The following EPM2A variants were observed in gnomAD, a reference collection of about 807,000 sequenced individuals.
EPM2A encodes EPM2A glucan phosphatase, laforin, also known as laforin.
Under a neutral mutation model 26.5 loss-of-function variants are expected in EPM2A, and 21 were observed. The ratio of observed to expected loss-of-function variants is 0.79; its 90% CI spans 0.56 to 1.14. The LOEUF is 1.14. EPM2A is among the 50% of genes most tolerant of loss of function. The pLI is 0.00. For synonymous variants in EPM2A, 217 were observed against 177.6 expected (o/e 1.22, Z -1.76); for missense variants, 458 against 440.8 (o/e 1.04, Z -0.35).
intron 2 of EPM2A, among the ~76,000 whole-genome samples, chr6:145,524,511 A>G (rs549709725): frequency 4.6e-5 from 7 of 151,920 alleles, no homozygotes; most frequent in African/African-American, 1.7e-4. Context: ...TTTGATTTGC[A>G]TTTCTCTTAT....
intron 4 of EPM2A, among the ~76,000 whole-genome samples, chr6:145,391,604 G>T (rs1778337789): frequency 6.6e-6 from 1 of 152,076 alleles, no homozygotes; most frequent in Non-Finnish European, 1.5e-5. Context: ...ATAAATTATT[G>T]TCTCATCTTT....
chr6:145,645,973 C>T (rs766774565), intron 2 of EPM2A, among the ~76,000 whole-genome samples: 4 of 152,100 alleles, frequency 2.6e-5, no homozygotes, highest in Non-Finnish European at 5.9e-5. Flanking sequence ...CTAAGCTTGG[C>T]GTTCTCATCT....
chr6:145,670,987 T>G (rs1256683100), intron 2 of EPM2A: 1 of 983,968 alleles, frequency 1.0e-6, no homozygotes, highest in Non-Finnish European at 1.2e-6. Flanking sequence ...AATCTTGGTC[T>G]TAAGATTTAA....
chr6:145,635,339 G>A lies in EPM2A; in HGVS notation c.624C>T (p.Tyr208=), dbSNP rs1451729704. 1.2e-6 allele frequency: 2 copies of A among 1,613,984 alleles called. No individual in the cohort carries two copies. Among genetic ancestry groups the A allele is most frequent in the African/African-American group, 2.7e-5 (2 of 74,918 alleles). ...TAGTGTCTGGAGTCATGGGCTCTGGGTAGCGGTTACAGCCTGAGGAATTCT... is the reference window on the plus strand; with the variant it reads ...TAGTGTCTGGAGTCATGGGCTCTGGATAGCGGTTACAGCCTGAGGAATTCT... ...IVQNSSGCNR[Y]PEPMTPDTMI... is the part of the protein sequence containing the mutation. Residue 208 remains tyrosine, a synonymous_variant, in exon 3 of 4, where the codon TAC becomes TAT. Coordinates refer to ENST00000367519, the MANE Select transcript of EPM2A (RefSeq NM_005670.4).
intron 1 of EPM2A, among the ~76,000 whole-genome samples, chr6:145,705,731 G>A (rs998866873): frequency 1.4e-4 from 21 of 152,112 alleles, no homozygotes; most frequent in African/African-American, 4.3e-4. Flanking sequence ...ATGAGGCAAC[G>A]CAACAGGAAA....
chr6:145,546,375 C>A (rs2114799531), intron 2 of EPM2A, among the ~76,000 whole-genome samples: 1 of 152,256 alleles, frequency 6.6e-6, no homozygotes, highest in East Asian at 1.9e-4. Context: ...CCTTTGTGTT[C>A]TATCTGGGTG....
chr6:145,491,248 C>T (rs1243480515), intron 4 of EPM2A: 2 of 369,066 alleles, frequency 5.4e-6, no homozygotes, highest in South Asian at 2.2e-5. Flanking sequence ...TGGGGCTAGC[C>T]GGCCACTTCG....
At chr6:145,503,899 T>C (rs1199000636) in intron 2 of EPM2A, among the ~76,000 whole-genome samples, 2 of 32,034 alleles carry the variant, frequency 6.2e-5, no homozygotes, top group Non-Finnish European at 1.3e-4. Flanking sequence ...AACAGAGATA[T>C]AGATCAATGG....
chr6:145,607,473 G>GAA (rs1221477163), intron 2 of EPM2A, among the ~76,000 whole-genome samples: 2 of 152,116 alleles, frequency 1.3e-5, no homozygotes, highest in Non-Finnish European at 2.9e-5. Flanking sequence ...CGGCAGATGG[G>GAA]AAAAAGCATT....
At chr6:145,662,449 A>AT (rs750009984) in intron 2 of EPM2A, among the ~76,000 whole-genome samples, 125 of 151,882 alleles carry the variant, frequency 8.2e-4, no homozygotes, top group Non-Finnish European at 1.5e-3. Flanking sequence ...AATTGTTCAA[A>AT]AAAATCATTT....
intron 2 of EPM2A, among the ~76,000 whole-genome samples, chr6:145,594,992 A>G (rs926580299): frequency 6.6e-6 from 1 of 151,592 alleles, no homozygotes. Flanking sequence ...AACTTTTAGT[A>G]GTTAAAAATC....
At chr6:145,417,480 A>C (rs1046104432) in intron 4 of EPM2A, among the ~76,000 whole-genome samples, 8 of 152,226 alleles carry the variant, frequency 5.3e-5, no homozygotes, top group African/African-American at 1.9e-4. Context: ...TCTATTCAGT[A>C]AGTGTGTTTT....
chr6:145,520,572 T>C (rs1356895727), intron 2 of EPM2A, among the ~76,000 whole-genome samples: 1 of 152,228 alleles, frequency 6.6e-6, no homozygotes, highest in Non-Finnish European at 1.5e-5. Context: ...CGTTATTTTG[T>C]ACACGTGCAT....
At position 145,440,865 on chromosome 6, in the gene EPM2A, C is replaced by T. The variant is rs536881282; in HGVS notation, c.556-56768G>A. ...GGGACAGCCCTTCTGGTTGCTTTCA[C>T]GGGCTGGCATTGAATGTATGCAGCT... On this transcript the variant is annotated intron_variant, in intron 4 of 4. Coordinates refer to the EPM2A transcript ENST00000638717. Among the ~76,000 whole-genome samples, 31 of 152,272 alleles carry T rather than the reference C, an allele frequency of 2.0e-4. No individual in the cohort carries two copies. In the South Asian group the frequency reaches 5.2e-3, roughly 25 times the overall value.
intron 4 of EPM2A, among the ~76,000 whole-genome samples, chr6:145,422,292 T>A (rs1452511931): frequency 3.4e-5 from 5 of 147,312 alleles, no homozygotes; most frequent in African/African-American, 9.8e-5. Flanking sequence ...AATTATATTG[T>A]GTATATAAAT....
At chr6:145,727,450 G>C (rs975918088) in intron 1 of EPM2A, among the ~76,000 whole-genome samples, 1 of 151,908 alleles carries the variant, frequency 6.6e-6, no homozygotes, top group Non-Finnish European at 1.5e-5. Context: ...TTGCAGTGTT[G>C]TTGTGAGGAC....
intron 2 of EPM2A, among the ~76,000 whole-genome samples, chr6:145,588,250 G>GA (rs1234782692): frequency 2.6e-5 from 4 of 152,134 alleles, no homozygotes; most frequent in African/African-American, 9.7e-5. Context: ...TTTAATATTG[G>GA]AAAGAACCTA....
intron 4 of EPM2A, among the ~76,000 whole-genome samples, chr6:145,492,248 G>A (rs561431677): frequency 9.2e-5 from 14 of 152,182 alleles, no homozygotes; most frequent in African/African-American, 2.2e-4. Context: ...AACCCACTGC[G>A]CTCAACCATT....
intron 4 of EPM2A, among the ~76,000 whole-genome samples, chr6:145,483,294 T>C (rs1278388584): frequency 6.6e-6 from 1 of 152,078 alleles, no homozygotes; most frequent in Non-Finnish European, 1.5e-5. Flanking sequence ...CCTCCAGCAT[T>C]ACTCAGCTTT....
Sources: gnomAD v4.1 joint callset for allele counts (sites outside exome capture counted in the v4.1 genomes callset) on GRCh38, gnomAD v4.1.1 for gene constraint, MANE v1.5 for transcripts, NCBI Gene and HGNC (gene_info 2026-07-23, HGNC 2026-07-21) for gene names.